The following CYSTM1 variants were observed in gnomAD, a reference collection of about 807,000 sequenced individuals.
CYSTM1 encodes cysteine-rich transmembrane module-containing protein 1.
In CYSTM1, 4 loss-of-function variants were observed where a neutral mutation model predicts 13.1. The observed-to-expected ratio is 0.31, with a 90% CI of 0.15 to 0.70. CYSTM1 has a LOEUF of 0.70. Ranked by LOEUF, CYSTM1 falls within the 30% of genes least tolerant of loss-of-function variation. CYSTM1 has a pLI of 0.72. For missense variants in CYSTM1, 96 were observed against 121.6 expected (o/e 0.79, Z 0.99); for synonymous variants, 36 against 42.7 (o/e 0.84, Z 0.62).
rs1764723507 is a variant in CYSTM1, at chr5:140,239,622, C to G, written c.188-3683C>G. 6.6e-6 allele frequency among the ~76,000 whole-genome samples: 1 copy of G among 152,216 alleles called. No individual in the cohort carries two copies. The highest frequency in any genetic ancestry group is 6.5e-5 in the Admixed American group (1 of 15,288). On this transcript the variant is annotated intron_variant, in intron 2 of 2. Coordinates refer to ENST00000261811, the MANE Select transcript of CYSTM1 (RefSeq NM_032412.4). The surrounding 1 kb of genome is among the most constrained non-coding windows in gnomAD (Gnocchi z 5.4). ...CTGCGCACCTGAGACCCAGGGCTTC[C>G]TGGGCCTTTCTGACCTAGCCTGGGC...
intron 2 of CYSTM1, among the ~76,000 whole-genome samples, chr5:140,199,786 C>T (rs1046980358): frequency 1.3e-5 from 2 of 152,128 alleles, no homozygotes; most frequent in East Asian, 1.9e-4. Flanking sequence ...GGTGCCCAGC[C>T]GTTTCCTGAC....
chr5:140,183,877 C>T (rs1763987205), intron 1 of CYSTM1, among the ~76,000 whole-genome samples: 1 of 152,166 alleles, frequency 6.6e-6, no homozygotes, highest in Non-Finnish European at 1.5e-5. Context: ...GGATCCTGCC[C>T]TGAAGCTAGG....
intron 2 of CYSTM1, among the ~76,000 whole-genome samples, chr5:140,233,861 G>C (rs1764647320): frequency 6.6e-6 from 1 of 152,090 alleles, no homozygotes; most frequent in Admixed American, 6.6e-5. Context: ...ATATATTTTA[G>C]ATACAAGTCC....
At chr5:140,191,278 T>C (rs779036165) in intron 1 of CYSTM1, among the ~76,000 whole-genome samples, 1 of 151,584 alleles carries the variant, frequency 6.6e-6, no homozygotes, top group East Asian at 1.9e-4. Context: ...AGAGTGTATG[T>C]GTGGAAGGAG....
chr5:140,188,705 G>C (rs997641406), intron 1 of CYSTM1, among the ~76,000 whole-genome samples: 7 of 147,806 alleles, frequency 4.7e-5, no homozygotes, highest in Non-Finnish European at 7.4e-5. Flanking sequence ...CGTGAACCCG[G>C]AAGGCGGAGC....
chr5:140,226,578 ACTAAATAT>A (rs1764557597), intron 2 of CYSTM1, among the ~76,000 whole-genome samples: 11 of 96,982 alleles, frequency 1.1e-4, no homozygotes, highest in African/African-American at 4.3e-4. Context: ...TATATTATAT[ACTAAATAT>A]TATATATATA....
rs532441623 is a variant in CYSTM1, at chr5:140,190,605, T to C, written c.-20-3841T>C. ...GTCTTGTAATTTAAAAAAAACAACATTGAAATATATTGCTTTTTTTCCTCC... is the reference window on the plus strand; with the variant it reads ...GTCTTGTAATTTAAAAAAAACAACACTGAAATATATTGCTTTTTTTCCTCC... On this transcript the variant is annotated intron_variant, in intron 1 of 2. Coordinates refer to ENST00000261811, the MANE Select transcript of CYSTM1 (RefSeq NM_032412.4). Among the ~76,000 whole-genome samples the C allele has an allele frequency of 2.6e-5, 4 of 152,314 alleles. No homozygotes were observed. In the East Asian group the frequency reaches 7.7e-4, roughly 29 times the overall value.
chr5:140,228,284 A>T (rs1197976836), intron 2 of CYSTM1, among the ~76,000 whole-genome samples: 1 of 152,210 alleles, frequency 6.6e-6, no homozygotes, highest in African/African-American at 2.4e-5. Flanking sequence ...CACTCCTGCT[A>T]ACAGTGTATG....
At chr5:140,195,152 G>T (rs747812096) in intron 2 of CYSTM1, among the ~76,000 whole-genome samples, 1 of 152,086 alleles carries the variant, frequency 6.6e-6, no homozygotes, top group Non-Finnish European at 1.5e-5. Flanking sequence ...GTGTGCTATA[G>T]AACAGTGTTA....
Position 140,178,441 on chromosome 5 carries a change from C to CTTTTTTTTTT in CYSTM1, c.-21+3172_-21+3181dup, listed in dbSNP as rs577709524. Reference sequence around the variant, plus strand: ...TGGAAAAGCCCTATTCAAGTCCTTCCTTTTTTTTTTTTTTTTTTTTTTTTT... The same window carrying CTTTTTTTTTT: ...TGGAAAAGCCCTATTCAAGTCCTTCCTTTTTTTTTTTTTTTTTTTTTTTTTTTTTTTTTTT... On this transcript the variant is annotated intron_variant, in intron 1 of 2. Transcript: ENST00000261811. Among the ~76,000 whole-genome samples the CTTTTTTTTTT allele has an allele frequency of 5.5e-3, 290 of 52,660 alleles. 40 individuals are homozygous for CTTTTTTTTTT. Among genetic ancestry groups the CTTTTTTTTTT allele is most frequent in the African/African-American group, 0.023 (275 of 11,816 alleles). The allele number at this position is 52,660 out of a possible 152,430, so 34.5% of individuals were successfully genotyped here.
chr5:140,207,375 C>T (rs1764311671), intron 2 of CYSTM1, among the ~76,000 whole-genome samples: 1 of 152,200 alleles, frequency 6.6e-6, no homozygotes, highest in Non-Finnish European at 1.5e-5. Context: ...TGCTGATCCT[C>T]AGCTTGGAGG....
At chr5:140,213,333 G>C (rs1764392783) in intron 2 of CYSTM1, among the ~76,000 whole-genome samples, 1 of 151,978 alleles carries the variant, frequency 6.6e-6, no homozygotes, top group South Asian at 2.1e-4. Flanking sequence ...AGAAAAAACA[G>C]TTTTGTTTAG....
At chr5:140,223,225 A>G (rs963250018) in intron 2 of CYSTM1, among the ~76,000 whole-genome samples, 6 of 151,932 alleles carry the variant, frequency 3.9e-5, no homozygotes, top group South Asian at 4.2e-4. Context: ...TGCAAAGGAG[A>G]AGGAGGAGGA....
intron 1 of CYSTM1, among the ~76,000 whole-genome samples, chr5:140,178,985 T>G (rs927477409): frequency 1.1e-4 from 17 of 151,898 alleles, no homozygotes; most frequent in African/African-American, 3.9e-4. Context: ...GTAATCAAGA[T>G]CTGAGGCCCG....
chr5:140,212,983 GTATATATATATATATATA>G (rs150669111), intron 2 of CYSTM1, among the ~76,000 whole-genome samples: 16 of 114,294 alleles, frequency 1.4e-4, no homozygotes, highest in African/African-American at 5.0e-4. Flanking sequence ...CAAAACAAAA[GTATATATATATATATATA>G]TATATATATG....
intron 2 of CYSTM1, among the ~76,000 whole-genome samples, chr5:140,195,912 G>A (rs982905951): frequency 6.6e-6 from 1 of 151,750 alleles, no homozygotes; most frequent in African/African-American, 2.4e-5. Context: ...AGGCGTGGTG[G>A]TACGCGTCTA....
At chr5:140,238,578 G>A (rs919749) in intron 2 of CYSTM1, among the ~76,000 whole-genome samples, 36,247 of 152,128 alleles carry the variant, frequency 0.24, 4,644 homozygotes, top group South Asian at 0.47. Context: ...GCCCCTTTGC[G>A]CTGGGTAGTA....
chr5:140,215,521 C>T (rs1396636167), intron 2 of CYSTM1, among the ~76,000 whole-genome samples: 1 of 98,054 alleles, frequency 1.0e-5, no homozygotes, highest in Non-Finnish European at 2.3e-5. Flanking sequence ...GAAACCTGGC[C>T]ACTTTTTAGA....
chr5:140,234,701 G>C (rs1326381811), intron 2 of CYSTM1, among the ~76,000 whole-genome samples: 1 of 152,170 alleles, frequency 6.6e-6, no homozygotes, highest in East Asian at 1.9e-4. Context: ...TTACAAGATG[G>C]CCAGTATGTT....
Sources: gnomAD v4.1 joint callset for allele counts (sites outside exome capture counted in the v4.1 genomes callset) on GRCh38, gnomAD v4.1.1 for gene constraint, Gnocchi (gnomAD v3.1) non-coding constraint, MANE v1.5 for transcripts, NCBI Gene and HGNC (gene_info 2026-07-23, HGNC 2026-07-21) for gene names.